Variants in BBOX1 observed in about 807,000 individuals in gnomAD.
BBOX1 encodes the protein gamma-butyrobetaine dioxygenase.
BBOX1 carries 35 observed loss-of-function variants against 41.6 expected under a neutral mutation model. The observed-to-expected ratio is 0.84, with a 90% CI of 0.64 to 1.11. The LOEUF is 1.11. Among genes scored for constraint, BBOX1 ranks in the 50% most tolerant of loss-of-function variants. BBOX1 has a pLI of 0.00. For missense variants in BBOX1, 458 were observed against 460.6 expected (o/e 0.99, Z 0.05); for synonymous variants, 163 against 154.7 (o/e 1.05, Z -0.40).
chr11:27,046,107 A>T (rs1311695419), intron 2 of BBOX1: 1 of 152,146 alleles, frequency 6.6e-6, no homozygotes, highest in Non-Finnish European at 1.5e-5. Context: ...TGCATGTCTG[A>T]TGAGGGCCCT....
chr11:27,075,357 G>C (rs141002110), intron 4 of BBOX1, among the ~76,000 whole-genome samples: 3 of 152,214 alleles, frequency 2.0e-5, no homozygotes, highest in Non-Finnish European at 4.4e-5. Context: ...GTCTCTTTAA[G>C]CTTATCTCAT....
intron 5 of BBOX1, among the ~76,000 whole-genome samples, chr11:27,102,539 G>GTT (rs2134064894): frequency 6.6e-6 from 1 of 151,922 alleles, no homozygotes; most frequent in African/African-American, 2.4e-5. Flanking sequence ...TTCTTTCCTG[G>GTT]TTTAGAGTAT....
At chr11:27,093,021 C>A in intron 4 of BBOX1, 147 bp from the exon 5 acceptor site, 1 of 791,690 alleles carries the variant, frequency 1.3e-6, no homozygotes, top group Non-Finnish European at 2.0e-6. Context: ...GGCCTAGTGA[C>A]TTGGGCATTT....
chr11:27,052,837 T>G (rs185440197), intron 2 of BBOX1, among the ~76,000 whole-genome samples: 1 of 152,274 alleles, frequency 6.6e-6, no homozygotes, highest in East Asian at 1.9e-4. Context: ...TACTTCCGCT[T>G]CTTGCCTAAT....
intron 5 of BBOX1, among the ~76,000 whole-genome samples, chr11:27,104,593 A>C (rs1178925010): frequency 1.3e-5 from 2 of 152,104 alleles, no homozygotes; most frequent in Non-Finnish European, 2.9e-5. Context: ...ATTGAGTAAG[A>C]GCTATTCTAG....
chr11:27,048,469 GT>G (rs1564950582), intron 2 of BBOX1, among the ~76,000 whole-genome samples: 2 of 31,678 alleles, frequency 6.3e-5, no homozygotes, highest in Non-Finnish European at 1.3e-4. Context: ...ATATTGAGGT[GT>G]GTGTGTGTGT....
chr11:27,103,568 AAGG>A (rs1858747420), intron 5 of BBOX1, among the ~76,000 whole-genome samples: 1 of 151,536 alleles, frequency 6.6e-6, no homozygotes, highest in South Asian at 2.1e-4. Context: ...TTCTTTGTTT[AAGG>A]AGTTTTTAAA....
intron 7 of BBOX1, among the ~76,000 whole-genome samples, chr11:27,120,473 C>T (rs1240603030): frequency 1.3e-5 from 2 of 152,110 alleles, no homozygotes; most frequent in Non-Finnish European, 2.9e-5. Flanking sequence ...CAGGGTCAGC[C>T]TCATCTGAAT....
chr11:27,073,347 C>G (rs982333644), intron 4 of BBOX1, among the ~76,000 whole-genome samples: 5 of 152,122 alleles, frequency 3.3e-5, no homozygotes, highest in African/African-American at 1.2e-4. Context: ...AAATGCAAAT[C>G]AAAACCACAA....
chr11:27,054,405 C>T (rs1196830179), intron 2 of BBOX1, among the ~76,000 whole-genome samples: 4 of 152,154 alleles, frequency 2.6e-5, no homozygotes. Flanking sequence ...GTAAGTTCTA[C>T]TTCATCCACG....
intron 7 of BBOX1, among the ~76,000 whole-genome samples, chr11:27,123,535 T>C (rs1859541462): frequency 6.6e-6 from 1 of 152,028 alleles, no homozygotes; most frequent in Non-Finnish European, 1.5e-5. Context: ...GATAATGTTA[T>C]ATGTACAGAA....
chr11:27,106,741 T>C (rs1361860510), intron 5 of BBOX1, among the ~76,000 whole-genome samples: 3 of 110,094 alleles, frequency 2.7e-5, no homozygotes, highest in African/African-American at 7.2e-5. Flanking sequence ...GGGGACCTAA[T>C]AGACATCTAC....
chr11:27,078,608 A>G (rs530337499), intron 4 of BBOX1, among the ~76,000 whole-genome samples: 70 of 152,296 alleles, frequency 4.6e-4, no homozygotes, highest in African/African-American at 1.5e-3. Context: ...CATGTTCTCA[A>G]TCATAAGTGG....
chr11:27,045,022 T>C (rs1247796886), intron 2 of BBOX1, among the ~76,000 whole-genome samples: 1 of 152,224 alleles, frequency 6.6e-6, no homozygotes. Context: ...CCTTGGGCAG[T>C]ATGGCCATTT....
chr11:27,057,507 C>G (rs1857021642), intron 4 of BBOX1, 192 bp downstream of exon 4: 1 of 523,142 alleles, frequency 1.9e-6, no homozygotes, highest in Admixed American at 3.9e-5. Flanking sequence ...TAGAGTAATT[C>G]TAGACATTCT....
chr11:27,088,047 C>A (rs908450208), intron 4 of BBOX1, among the ~76,000 whole-genome samples: 7 of 151,746 alleles, frequency 4.6e-5, no homozygotes, highest in African/African-American at 7.3e-5. Flanking sequence ...GAATATAAAT[C>A]TTTCTGTATT....
chr11:27,059,756 AT>A (rs1226686316), intron 4 of BBOX1, among the ~76,000 whole-genome samples: 13 of 152,132 alleles, frequency 8.5e-5, no homozygotes, highest in Admixed American at 5.9e-4. Flanking sequence ...GAGCCTTAAG[AT>A]TTAGTGACTG....
At chr11:27,078,962 T>C (rs1229700159) in intron 4 of BBOX1, among the ~76,000 whole-genome samples, 2 of 152,204 alleles carry the variant, frequency 1.3e-5, no homozygotes, top group South Asian at 2.1e-4. Context: ...ACACTGTGGA[T>C]GCTCAAAACT....
intron 4 of BBOX1, among the ~76,000 whole-genome samples, chr11:27,078,412 G>C (rs1362243087): frequency 6.6e-6 from 1 of 151,960 alleles, no homozygotes; most frequent in African/African-American, 2.4e-5. Context: ...ATAGTGGTTT[G>C]CTGCACCCAT....
Sources: gnomAD v4.1 joint callset for allele counts (sites outside exome capture counted in the v4.1 genomes callset) on GRCh38, gnomAD v4.1.1 for gene constraint, MANE v1.5 for transcripts, NCBI Gene and HGNC (gene_info 2026-07-23, HGNC 2026-07-21) for gene names.